Variants in EPHA5 observed in about 807,000 individuals in gnomAD.
EPHA5 encodes EPH receptor A5, also known as ephrin type-A receptor 5.
EPHA5 carries 60 observed loss-of-function variants against 105.0 expected under a neutral mutation model. That is an observed-to-expected ratio of 0.57 (90% CI 0.46 to 0.71). The LOEUF (loss-of-function observed/expected upper bound fraction) is 0.71. Ranked by LOEUF, EPHA5 falls within the 30% of genes least tolerant of loss-of-function variation. The pLI is 0.00. For missense variants in EPHA5, 1,218 were observed against 1,274.7 expected (o/e 0.96, Z 0.68); for synonymous variants, 513 against 449.1 (o/e 1.14, Z -1.80).
At chr4:65,480,407 A>G (rs1454419744) in intron 5 of EPHA5, among the ~76,000 whole-genome samples, 2 of 152,204 alleles carry the variant, frequency 1.3e-5, no homozygotes, top group African/African-American at 4.8e-5. Context: ...TTCTCCTCGC[A>G]TAAAGGTATA....
At chr4:65,410,106 T>C (rs1484274497) in intron 7 of EPHA5, among the ~76,000 whole-genome samples, 1 of 152,060 alleles carries the variant, frequency 6.6e-6, no homozygotes, top group Non-Finnish European at 1.5e-5. Flanking sequence ...AAAATCTGTA[T>C]ACAAATGTTT....
chr4:65,643,328 A>T (rs758389796), intron 2 of EPHA5, 35 bp downstream of exon 2: 13 of 1,516,988 alleles, frequency 8.6e-6, no homozygotes, highest in South Asian at 7.9e-5. Context: ...TTACGCACAT[A>T]GCTTAAGTTT....
chr4:65,407,676 TTTTAA>T (rs1332586763), intron 7 of EPHA5, among the ~76,000 whole-genome samples: 2 of 151,012 alleles, frequency 1.3e-5, no homozygotes, highest in African/African-American at 4.8e-5. Flanking sequence ...TTGTTTATTA[TTTTAA>T]TTTAATTTAT....
Position 65,668,431 on chromosome 4 carries a change from G to A in EPHA5, c.181+1131C>T, listed in dbSNP as rs189826368. 3.9e-3 allele frequency among the ~76,000 whole-genome samples: 588 copies of A among 152,302 alleles called. 3 individuals are homozygous for A. Among genetic ancestry groups the A allele is most frequent in the Admixed American group, 7.6e-3 (117 of 15,304 alleles). ...AACCTCACCATTCTAGCCAAAGTGG[G>A]TAGGTTTTTCTATGTTTTCATGGTG... On this transcript the variant is annotated intron_variant, in intron 1 of 16. Coordinates refer to ENST00000613740, the MANE Select transcript of EPHA5 (RefSeq NM_001281766.3).
chr4:65,559,397 C>A (rs891276810), intron 3 of EPHA5, among the ~76,000 whole-genome samples: 1 of 152,064 alleles, frequency 6.6e-6, no homozygotes, highest in African/African-American at 2.4e-5. Context: ...GCTGTCACAC[C>A]AGCAGTGGGC....
intron 5 of EPHA5, among the ~76,000 whole-genome samples, chr4:65,465,520 AAAGAAAGAAAAGAAAGG>A (rs1373825301): frequency 8.1e-5 from 8 of 98,378 alleles, no homozygotes; most frequent in African/African-American, 1.1e-4. Flanking sequence ...AGAAAGAAAG[AAAGAAAGAAAAGAAAGG>A]AAAGGAAGGA....
rs201705137 is a variant in EPHA5, at chr4:65,512,410, C to T, written c.911-16867G>A. On this transcript the variant is annotated intron_variant, in intron 3 of 16. Coordinates refer to ENST00000613740, the MANE Select transcript of EPHA5 (RefSeq NM_001281766.3). ...CAAATCTCATGTTCAATTGTAATCC[C>T]CAATGTTGGAGGTAGGGCCTGGTGG... Among the ~76,000 whole-genome samples, 23 of 152,134 alleles carry T rather than the reference C, an allele frequency of 1.5e-4. No individual in the cohort carries two copies. The East Asian group carries it at 4.1e-3, about 27-fold the overall frequency.
At chr4:65,356,964 G>A (rs1336512805) in intron 11 of EPHA5, among the ~76,000 whole-genome samples, 1 of 151,364 alleles carries the variant, frequency 6.6e-6, no homozygotes, top group Non-Finnish European at 1.5e-5. Flanking sequence ...AATTTTGAAA[G>A]CATGTTATCA....
At chr4:65,487,139 A>C (rs1730957640) in intron 5 of EPHA5, among the ~76,000 whole-genome samples, 1 of 152,338 alleles carries the variant, frequency 6.6e-6, no homozygotes, top group Middle Eastern at 3.4e-3. Flanking sequence ...GAGCCAATTA[A>C]ACCTCTTTTC....
At chr4:65,657,711 G>T (rs1204978098) in intron 1 of EPHA5, among the ~76,000 whole-genome samples, 1 of 151,964 alleles carries the variant, frequency 6.6e-6, no homozygotes, top group Non-Finnish European at 1.5e-5. Flanking sequence ...GTAAGACTTG[G>T]TGTACTTAAC....
At position 65,590,676 on chromosome 4, in the gene EPHA5, A is replaced by C. The variant is rs540300005; in HGVS notation, c.910+10965T>G. Among the ~76,000 whole-genome samples the C allele has an allele frequency of 2.0e-5, 3 of 152,290 alleles. No individual in the cohort carries two copies. In the East Asian group the frequency reaches 5.8e-4, roughly 29 times the overall value. On this transcript the variant is annotated intron_variant, in intron 3 of 16. Transcript: ENST00000613740. The stretch of plus-strand genomic sequence containing the variant: ...GAAAGAGAGAGAGACAAATTAAGCT[A>C]CACTTGCTATTAGTCAGATAGTTTT...
Position 65,404,434 on chromosome 4 carries a change from A to T in EPHA5, c.1733T>A (p.Val578Glu). The T allele has an allele frequency of 6.2e-7, 1 of 1,613,818 alleles. No individual in the cohort carries two copies. The highest frequency in any genetic ancestry group is 8.5e-7 in the Non-Finnish European group (1 of 1,179,808). ...CAAAATGACTCCCACTGTCACAGACACAGCAATTACAGGAATCTGGCTTTG... is the reference window on the plus strand; with the variant it reads ...CAAAATGACTCCCACTGTCACAGACTCAGCAATTACAGGAATCTGGCTTTG... ...SDQSQIPVIA[V>E]SVTVGVILLA... Residue 578 changes from valine to glutamate, a missense_variant, in exon 8 of 17, where the codon GTG becomes GAG. Transcript: ENST00000613740.
intron 3 of EPHA5, chr4:65,574,287 G>GC: frequency 1.9e-6 from 3 of 1,582,730 alleles, no homozygotes; most frequent in Admixed American, 1.7e-5. Flanking sequence ...ATCTGTGTTT[G>GC]CCCTGACGAA....
At chr4:65,440,503 C>CACACAG (rs1725907373) in intron 5 of EPHA5, among the ~76,000 whole-genome samples, 1 of 149,666 alleles carries the variant, frequency 6.7e-6, no homozygotes, top group Non-Finnish European at 1.5e-5. Flanking sequence ...AAATCTTACA[C>CACACAG]ACACACACAC....
intron 3 of EPHA5, among the ~76,000 whole-genome samples, chr4:65,538,568 C>T (rs936289982): frequency 1.4e-4 from 21 of 151,702 alleles, no homozygotes; most frequent in African/African-American, 5.1e-4. Flanking sequence ...ATAAAATATA[C>T]ACTCTGGAAT....
At chr4:65,647,939 T>C (rs998050384) in intron 1 of EPHA5, among the ~76,000 whole-genome samples, 2 of 152,164 alleles carry the variant, frequency 1.3e-5, no homozygotes, top group East Asian at 1.9e-4. Flanking sequence ...TAAGGAAAAG[T>C]CACTTAACTG....
chr4:65,447,198 C>G (rs1052042399), intron 5 of EPHA5, among the ~76,000 whole-genome samples: 15 of 150,740 alleles, frequency 1.0e-4, no homozygotes, highest in Admixed American at 2.6e-4. Context: ...CAATGGATTG[C>G]GGGTTGGGGG....
intron 5 of EPHA5, among the ~76,000 whole-genome samples, chr4:65,474,532 C>T (rs958249429): frequency 1.3e-5 from 2 of 152,048 alleles, no homozygotes; most frequent in Admixed American, 1.3e-4. Context: ...ATAAACTATC[C>T]TCTATTTTCT....
chr4:65,520,315 G>T (rs1267186460), intron 3 of EPHA5, among the ~76,000 whole-genome samples: 2 of 152,132 alleles, frequency 1.3e-5, no homozygotes, highest in African/African-American at 2.4e-5. Flanking sequence ...TGGGAAAACT[G>T]CCTAGCCATA....
Sources: gnomAD v4.1 joint callset for allele counts (sites outside exome capture counted in the v4.1 genomes callset) on GRCh38, gnomAD v4.1.1 for gene constraint, MANE v1.5 for transcripts, NCBI Gene and HGNC (gene_info 2026-07-23, HGNC 2026-07-21) for gene names.